The following POLR2B variants were observed in gnomAD, a reference collection of about 807,000 sequenced individuals.
The protein encoded by POLR2B is DNA-directed RNA polymerase II subunit RPB2.
POLR2B carries 57 observed loss-of-function variants against 144.6 expected under a neutral mutation model. The observed-to-expected ratio is 0.39, with a 90% CI of 0.32 to 0.49. POLR2B has a LOEUF of 0.49. Ranked by LOEUF, POLR2B falls within the 20% of genes least tolerant of loss-of-function variation. The pLI is 0.83. For synonymous variants in POLR2B, 442 were observed against 469.8 expected, an observed-to-expected ratio of 0.94 and a Z score of 0.77; for missense variants, 595 against 1,467.4, an observed-to-expected ratio of 0.41 and a Z score of 9.71.
intron 7 of POLR2B, among the ~76,000 whole-genome samples, chr4:57,003,456 C>A (rs1722915407): frequency 7.0e-6 from 1 of 143,408 alleles, no homozygotes; most frequent in African/African-American, 2.6e-5. Flanking sequence ...TTTGGGCTGG[C>A]ATGGTGGCTC....
In POLR2B at chr4:57,017,670, A is replaced by G. The variant is rs146889303; in HGVS notation, c.2265A>G (p.Gln755=). 148 of 1,613,912 alleles carry G rather than the reference A, an allele frequency of 9.2e-5. No homozygotes were observed. In the African/African-American group the frequency reaches 1.6e-3, roughly 18 times the overall value. Residue 755 remains glutamine (Q), a synonymous_variant, in exon 16 of 25, where the codon CAA becomes CAG. Transcript: ENST00000314595. This position sits in a 1 kb window ranked among gnomAD's most constrained non-coding sequence, Gnocchi z 4.8. ...TGGCCCATGTTCTCTATTATCCTCA[A>G]AAGCCACTTGTGACTACACGGTCTA... ...DTLAHVLYYP[Q]KPLVTTRSME... is the part of the protein sequence containing the mutation.
rs766338635 is a variant in POLR2B at position 57,011,283 on chromosome 4, A to AGG, written c.1800+183_1800+184insGG. Among the ~76,000 whole-genome samples the AGG allele has an allele frequency of 1.0e-3, 156 of 152,374 alleles. 1 individual carries two copies. The highest frequency in any genetic ancestry group is 2.2e-3 in the Non-Finnish European group (147 of 68,036). On this transcript the variant is annotated intron_variant, in intron 13 of 24. Transcript: ENST00000314595. ...AGTGGCTCATGCCTGTAATCCCAGC[A>AGG]CTTTGGGAGGCCGAGGCGCAGATCA... is the stretch of plus-strand genomic sequence containing the variant.
At chr4:56,995,496 C>A in intron 6 of POLR2B, 87 bp downstream of exon 6, 3 of 920,050 alleles carry the variant, frequency 3.3e-6, no homozygotes, top group Non-Finnish European at 4.9e-6. Context: ...TCCATAGAAG[C>A]TTTTCTGGAG....
chr4:57,022,518 A>C (rs1723586818), intron 18 of POLR2B, among the ~76,000 whole-genome samples: 1 of 152,172 alleles, frequency 6.6e-6, no homozygotes, highest in Non-Finnish European at 1.5e-5. Flanking sequence ...GAAATCAGAG[A>C]GGTCATGCAA....
At position 56,999,607 on chromosome 4, in the gene POLR2B, A is replaced by G; in HGVS notation, c.736-10A>G. ...TATATTCATGTTCTAATGATACTTT[A>G]TTTTTCTAGGGTGCCAAGAAGAGTG... On this transcript the variant is annotated splice_polypyrimidine_tract_variant and intron_variant, in intron 6 of 24. Transcript: ENST00000314595. The G allele has an allele frequency of 6.3e-7, 1 of 1,582,766 alleles. No individual in the cohort carries two copies. The highest frequency in any genetic ancestry group is 1.2e-5 in the South Asian group (1 of 85,912).
At chr4:56,996,502 T>C (rs1722695804) in intron 6 of POLR2B, among the ~76,000 whole-genome samples, 1 of 151,270 alleles carries the variant, frequency 6.6e-6, no homozygotes, top group Admixed American at 6.6e-5. Context: ...GCCAGGATGG[T>C]CTCGATCTCC....
chr4:57,024,777 T>G, intron 21 of POLR2B, 109 bp from the exon 22 acceptor site: 1 of 628,184 alleles, frequency 1.6e-6, no homozygotes, highest in Non-Finnish European at 2.8e-6. Flanking sequence ...AATAATACTT[T>G]CAAATTTTAA....
In POLR2B at chr4:57,006,774, T is replaced by C. The variant is rs1301139605; in HGVS notation, c.1218-42T>C. 2.7e-6 allele frequency: 4 copies of C among 1,459,692 alleles called. No individual in the cohort carries two copies. The South Asian group carries it at 4.8e-5, about 17-fold the overall frequency. 90.4% of individuals were successfully genotyped at this position (1,459,692 alleles called of 1,614,324 possible). On this transcript the variant is annotated intron_variant, in intron 9 of 24. Transcript: ENST00000314595. ...TTCCTCCTGTTGAGAATATATGTTG[T>C]AGACCTCTACATGTTTAAAATAATA...
chr4:57,015,799 C>A, intron 14 of POLR2B, 143 bp downstream of exon 14: 1 of 222,594 alleles, frequency 4.5e-6, no homozygotes, highest in Non-Finnish European at 8.2e-6. Flanking sequence ...TCAGCTGTGT[C>A]GCCCATGCTG....
At chr4:57,028,589 C>A (rs1227431484) in intron 23 of POLR2B, among the ~76,000 whole-genome samples, 1 of 152,158 alleles carries the variant, frequency 6.6e-6, no homozygotes, top group Non-Finnish European at 1.5e-5. Flanking sequence ...AATATGACTG[C>A]TAGTAATGTT....
At chr4:56,995,700 C>A (rs921744265) in intron 6 of POLR2B, among the ~76,000 whole-genome samples, 2 of 152,168 alleles carry the variant, frequency 1.3e-5, no homozygotes, top group African/African-American at 4.8e-5. Context: ...GAGTCATTCC[C>A]ATGGTTGTCT....
chr4:56,992,074 A>G (rs1289847330), intron 3 of POLR2B, among the ~76,000 whole-genome samples: 3 of 151,610 alleles, frequency 2.0e-5, no homozygotes, highest in Non-Finnish European at 4.4e-5. Context: ...TCTAACACCT[A>G]GTTATCAGAG....
chr4:57,009,194 G>A (rs1294483651), intron 10 of POLR2B, among the ~76,000 whole-genome samples: 3 of 152,204 alleles, frequency 2.0e-5, no homozygotes, highest in Non-Finnish European at 4.4e-5. Context: ...ACTCCAATGA[G>A]TACAGAAAAG....
In POLR2B at chr4:56,990,914, TA is replaced by T. The variant is rs1722490917; in HGVS notation, c.243+17del. The T allele has an allele frequency of 3.1e-6, 5 of 1,602,000 alleles. No individual in the cohort carries two copies. The highest frequency in any genetic ancestry group is 4.3e-6 in the Non-Finnish European group (5 of 1,175,138). On this transcript the variant is annotated intron_variant, in intron 3 of 24. Coordinates refer to ENST00000314595, the MANE Select transcript of POLR2B (RefSeq NM_000938.3). ...TGAAGAACCGGTAAGATAGTTCTAA[TA>T]GTTACACAGGTACAAGAAGCGTATT...
chr4:57,016,950 T>G (rs1723388064), intron 14 of POLR2B, 93 bp from the exon 15 acceptor site: 4 of 385,628 alleles, frequency 1.0e-5, no homozygotes, highest in Admixed American at 9.3e-5. Context: ...ATATTAAACT[T>G]ATTTAAATAT....
chr4:57,029,367 G>A (rs1034170830), intron 23 of POLR2B, among the ~76,000 whole-genome samples: 1 of 152,122 alleles, frequency 6.6e-6, no homozygotes. Flanking sequence ...AGTAAGGGCA[G>A]GAATAAATGC....
rs1265238579 is a variant in POLR2B, at chr4:57,011,038, C to G, written c.1738C>G (p.Pro580Ala). 6.2e-7 allele frequency: 1 copy of G among 1,614,032 alleles called. No homozygotes were observed. The highest frequency in any genetic ancestry group is 8.5e-7 in the Non-Finnish European group (1 of 1,179,944). ...CTGCTGGGTTGGAATACATAAAGAT[C>G]CCGAACAACTTATGAACACCCTAAG... is the stretch of plus-strand genomic sequence containing the variant. ...NGCWVGIHKD[P>A]EQLMNTLRKL... Residue 580 changes from proline (P) to alanine (A), a missense_variant, in exon 13 of 25, where the codon CCC (proline) becomes GCC (alanine). Transcript: ENST00000314595.
At chr4:57,000,315 A>G (rs753451872) in intron 7 of POLR2B, among the ~76,000 whole-genome samples, 8 of 152,184 alleles carry the variant, frequency 5.3e-5, no homozygotes, top group Non-Finnish European at 7.3e-5. Flanking sequence ...CTGTAGTCCC[A>G]GCTACTGCGG....
At chr4:57,020,255 A>G (rs188135604) in intron 16 of POLR2B, among the ~76,000 whole-genome samples, 6 of 152,224 alleles carry the variant, frequency 3.9e-5, no homozygotes, top group Admixed American at 2.0e-4. Context: ...GATGGTCTCA[A>G]TCGCTTGACC....
Sources: allele counts gnomAD v4.1 joint callset (sites outside exome capture counted in the v4.1 genomes callset), GRCh38; gene constraint gnomAD v4.1.1; non-coding constraint Gnocchi (gnomAD v3.1); transcripts MANE v1.5; gene names NCBI Gene and HGNC (gene_info 2026-07-23, HGNC 2026-07-21).